The following TENM4 variants were observed in gnomAD, a reference collection of about 807,000 sequenced individuals.
TENM4 encodes the protein teneurin transmembrane protein 4, also known as teneurin-4.
TENM4 carries 82 observed loss-of-function variants against 243.3 expected under a neutral mutation model. The observed-to-expected ratio is 0.34, with a 90% CI of 0.28 to 0.40. The LOEUF (loss-of-function observed/expected upper bound fraction) is 0.40. TENM4 is among the 10% of genes least tolerant of loss of function. The pLI is 1.00. For missense variants in TENM4, 3,138 were observed against 3,673.3 expected (o/e 0.85, Z 3.77); for synonymous variants, 1,412 against 1,456.3 (o/e 0.97, Z 0.69).
chr11:78,890,137 G>A (rs1425719801), intron 8 of TENM4, 117 bp from the exon 9 acceptor site: 1 of 759,884 alleles, frequency 1.3e-6, no homozygotes, highest in East Asian at 2.7e-5. Context: ...TGGATAGAGA[G>A]AGTCACCACA....
At chr11:78,763,456 C>A (rs1413300280) in intron 18 of TENM4, among the ~76,000 whole-genome samples, 1 of 152,224 alleles carries the variant, frequency 6.6e-6, no homozygotes, top group East Asian at 1.9e-4. Flanking sequence ...ATATTCCTGA[C>A]CCTTGAACTT....
At chr11:78,932,942 C>T (rs1260540400) in intron 6 of TENM4, among the ~76,000 whole-genome samples, 6 of 152,280 alleles carry the variant, frequency 3.9e-5, no homozygotes, top group African/African-American at 9.6e-5. Flanking sequence ...GGTACAGGTT[C>T]GCGGCCCAGG....
intron 9 of TENM4, among the ~76,000 whole-genome samples, chr11:78,868,722 C>T (rs780081192): frequency 2.6e-5 from 4 of 152,200 alleles, no homozygotes; most frequent in Non-Finnish European, 4.4e-5. Context: ...TCTGCTGTCA[C>T]GATGCACACT....
chr11:78,946,350 A>G (rs978803192), intron 6 of TENM4, among the ~76,000 whole-genome samples: 1 of 152,226 alleles, frequency 6.6e-6, no homozygotes, highest in Non-Finnish European at 1.5e-5. Flanking sequence ...ATCTGTTTAC[A>G]GCATGGTTTA....
chr11:79,209,502 G>C (rs1463416101), intron 3 of TENM4, among the ~76,000 whole-genome samples: 1 of 152,146 alleles, frequency 6.6e-6, no homozygotes, highest in African/African-American at 2.4e-5. Flanking sequence ...TCTTCCCTAA[G>C]CCTATTCATG....
At chr11:78,951,816 T>C (rs1341406203) in intron 6 of TENM4, among the ~76,000 whole-genome samples, 1 of 152,172 alleles carries the variant, frequency 6.6e-6, no homozygotes, top group African/African-American at 2.4e-5. Context: ...ACACATGAAT[T>C]TGAGGGTGGT....
At chr11:78,923,784 C>T (rs1186709439) in intron 6 of TENM4, among the ~76,000 whole-genome samples, 1 of 143,252 alleles carries the variant, frequency 7.0e-6, no homozygotes, top group African/African-American at 2.5e-5. Flanking sequence ...AAGTGATCTG[C>T]CCACCTCAGC....
chr11:79,173,952 C>T (rs929879259), intron 3 of TENM4, among the ~76,000 whole-genome samples: 52 of 152,174 alleles, frequency 3.4e-4, no homozygotes, highest in African/African-American at 1.1e-3. Context: ...TAGAGAGTCT[C>T]ATTTATGTTT....
At chr11:79,424,486 G>A (rs192422031) in intron 1 of TENM4, among the ~76,000 whole-genome samples, 13 of 152,246 alleles carry the variant, frequency 8.5e-5, no homozygotes, top group Middle Eastern at 3.4e-3. Flanking sequence ...CTGGATGCCT[G>A]TAGTCCTAGC....
At chr11:78,949,996 C>A (rs557213761) in intron 6 of TENM4, among the ~76,000 whole-genome samples, 1 of 151,458 alleles carries the variant, frequency 6.6e-6, no homozygotes, top group African/African-American at 2.4e-5. Context: ...GTTGGCGGGG[C>A]GGGGGGTGCA....
chr11:79,002,596 T>C (rs887773597), intron 6 of TENM4, among the ~76,000 whole-genome samples: 1 of 152,070 alleles, frequency 6.6e-6, no homozygotes, highest in African/African-American at 2.4e-5. Context: ...ATCCACCTTA[T>C]ACCAAAATCA....
At chr11:79,150,393 G>A (rs1178423233) in intron 3 of TENM4, among the ~76,000 whole-genome samples, 1 of 152,010 alleles carries the variant, frequency 6.6e-6, no homozygotes, top group Non-Finnish European at 1.5e-5. Context: ...AGTTTAGAAA[G>A]GTCAAAAAAC....
At chr11:78,975,862 G>C (rs371497370) in intron 6 of TENM4, among the ~76,000 whole-genome samples, 1 of 152,238 alleles carries the variant, frequency 6.6e-6, no homozygotes, top group East Asian at 1.9e-4. Flanking sequence ...GTCCAGCACT[G>C]TGGAAGGCCC....
chr11:79,397,856 AC>A (rs1858377581), intron 1 of TENM4, among the ~76,000 whole-genome samples: 1 of 152,168 alleles, frequency 6.6e-6, no homozygotes, highest in Non-Finnish European at 1.5e-5. Context: ...GTCCACAGAT[AC>A]TGTCAAATAG....
intron 6 of TENM4, among the ~76,000 whole-genome samples, chr11:78,917,172 A>C (rs970897805): frequency 6.6e-6 from 1 of 152,190 alleles, no homozygotes; most frequent in Non-Finnish European, 1.5e-5. Context: ...TCCTCCTTTC[A>C]CAGGTAAGAA....
At chr11:78,919,973 G>A (rs1420731770) in intron 6 of TENM4, among the ~76,000 whole-genome samples, 1 of 152,098 alleles carries the variant, frequency 6.6e-6, no homozygotes, top group Admixed American at 6.5e-5. Context: ...AGCTGTGCTT[G>A]TCCAGCTAGC....
intron 1 of TENM4, among the ~76,000 whole-genome samples, chr11:79,408,978 G>T (rs370302484): frequency 1.3e-4 from 20 of 151,876 alleles, no homozygotes; most frequent in African/African-American, 4.8e-4. Context: ...CTTTACTGTT[G>T]AATGGAATAA....
intron 4 of TENM4, chr11:79,097,296 T>G (rs546086035): frequency 3.3e-5 from 5 of 152,364 alleles, no homozygotes; most frequent in African/African-American, 1.2e-4. Flanking sequence ...TCCTTGGTTA[T>G]GTTTTCTATT....
chr11:79,134,192 A>C (rs1179706303), intron 4 of TENM4, among the ~76,000 whole-genome samples: 1 of 152,168 alleles, frequency 6.6e-6, no homozygotes, highest in Admixed American at 6.5e-5. Context: ...TAGCTCTTCT[A>C]TACACCAACA....
Sources: allele counts gnomAD v4.1 joint callset (sites outside exome capture counted in the v4.1 genomes callset), GRCh38; gene constraint gnomAD v4.1.1; transcripts MANE v1.5; gene names NCBI Gene and HGNC (gene_info 2026-07-23, HGNC 2026-07-21).